The following WDPCP variants were observed in gnomAD, a reference collection of about 807,000 sequenced individuals.
WDPCP encodes WD repeat-containing and planar cell polarity effector protein fritz homolog.
A neutral mutation model predicts 93.1 loss-of-function variants in WDPCP; 71 were observed. The observed-to-expected ratio is 0.76, with a 90% CI of 0.63 to 0.93. WDPCP has a LOEUF of 0.93. WDPCP is among the 40% of genes least tolerant of loss of function. WDPCP has a pLI of 0.00. For synonymous variants in WDPCP, 315 were observed against 315.0 expected (o/e 1.00, Z 0.00); for missense variants, 844 against 887.4 (o/e 0.95, Z 0.62).
At chr2:63,196,742 A>T (rs181333826) in intron 14 of WDPCP, among the ~76,000 whole-genome samples, 21 of 152,344 alleles carry the variant, frequency 1.4e-4, no homozygotes, top group African/African-American at 4.8e-4. Flanking sequence ...AATGTAGACA[A>T]AAGTGCTTGA....
At position 63,575,463 on chromosome 2, in the gene WDPCP, A is replaced by ATACAGTG. The variant is rs1248571874; in HGVS notation, c.75+12733_75+12734insCACTGTA. On this transcript the variant is annotated intron_variant, in intron 1 of 17. Coordinates refer to ENST00000272321, the MANE Select transcript of WDPCP (RefSeq NM_015910.7). ...AGTGTATACACTGTATATACAGTAT[A>ATACAGTG]TATGCAGTATATACAGTGTATATAT... Among the ~76,000 whole-genome samples the ATACAGTG allele has an allele frequency of 2.5e-3, 72 of 29,144 alleles. 5 individuals are homozygous for ATACAGTG. The highest frequency in any genetic ancestry group is 4.0e-3 in the African/African-American group (19 of 4,770). 19.1% of individuals were successfully genotyped at this position (29,144 alleles called of 152,430 possible). A position where few individuals can be genotyped will look rare whatever the true frequency, so the allele number is the denominator to read the frequency against.
intron 2 of WDPCP, among the ~76,000 whole-genome samples, chr2:63,782,074 T>C (rs1670402790): frequency 6.6e-6 from 1 of 152,152 alleles, no homozygotes; most frequent in South Asian, 2.1e-4. Flanking sequence ...AAACTGCAGC[T>C]AAGTATCACT....
At chr2:63,747,800 A>C (rs1174507851) in intron 2 of WDPCP, among the ~76,000 whole-genome samples, 1 of 152,008 alleles carries the variant, frequency 6.6e-6, no homozygotes, top group Admixed American at 6.6e-5. Context: ...GTCATGTTTG[A>C]CTTTTTAAAC....
intron 9 of WDPCP, among the ~76,000 whole-genome samples, chr2:63,418,665 G>A (rs937637443): frequency 7.9e-5 from 12 of 152,074 alleles, no homozygotes; most frequent in East Asian, 1.9e-4. Context: ...CTGTGATAAC[G>A]AACAGGGTAA....
At chr2:63,220,457 T>C (rs895871708) in intron 14 of WDPCP, among the ~76,000 whole-genome samples, 7 of 152,310 alleles carry the variant, frequency 4.6e-5, no homozygotes, top group African/African-American at 1.7e-4. Flanking sequence ...GGATATGTTT[T>C]GGAGGAAAAT....
At chr2:63,322,948 A>G (rs1476029077) in intron 12 of WDPCP, among the ~76,000 whole-genome samples, 1 of 152,232 alleles carries the variant, frequency 6.6e-6, no homozygotes, top group African/African-American at 2.4e-5. Flanking sequence ...CAGACTAAAG[A>G]CACAGGTGTC....
At chr2:63,523,885 T>G (rs1470358647) in intron 1 of WDPCP, among the ~76,000 whole-genome samples, 1 of 152,124 alleles carries the variant, frequency 6.6e-6, no homozygotes, top group Non-Finnish European at 1.5e-5. Flanking sequence ...CACTCCAGTC[T>G]GGGCAACAAG....
At chr2:63,282,395 C>T (rs980660297) in intron 13 of WDPCP, among the ~76,000 whole-genome samples, 3 of 152,184 alleles carry the variant, frequency 2.0e-5, no homozygotes, top group African/African-American at 7.2e-5. Context: ...GTCCCAGCTA[C>T]TCAGGAGGCT....
At chr2:63,836,160 T>A in the WDPCP span, among the ~76,000 whole-genome samples, 1 of 152,360 alleles carries the variant, frequency 6.6e-6, no homozygotes, top group Admixed American at 6.5e-5. Context: ...CAGCTGAGAA[T>A]CTTCTCTTTA....
intron 12 of WDPCP, among the ~76,000 whole-genome samples, chr2:63,327,563 A>G (rs1687651987): frequency 6.6e-6 from 1 of 152,188 alleles, no homozygotes; most frequent in East Asian, 1.9e-4. Flanking sequence ...CTGCTGAGAA[A>G]GGAGGACTTT....
At chr2:63,759,473 A>T (rs1218807161) in intron 2 of WDPCP, among the ~76,000 whole-genome samples, 1 of 152,222 alleles carries the variant, frequency 6.6e-6, no homozygotes, top group Non-Finnish European at 1.5e-5. Flanking sequence ...GTACAAAACA[A>T]AAATGTGAGG....
intron 3 of WDPCP, chr2:63,604,924 A>G (rs527927883): frequency 1.6e-5 from 25 of 1,582,716 alleles, no homozygotes; most frequent in Middle Eastern, 3.4e-4. Flanking sequence ...AACTCTTGAG[A>G]GACTCTTAGG....
chr2:63,315,376 G>C (rs139462276), intron 12 of WDPCP, among the ~76,000 whole-genome samples: 2 of 152,120 alleles, frequency 1.3e-5, no homozygotes, highest in South Asian at 4.2e-4. Context: ...ACCCAGGTTA[G>C]TAGTGCCCCT....
rs149034342 is a variant in WDPCP, at chr2:63,489,959, T to C, written c.161-2465A>G. On this transcript the variant is annotated intron_variant, in intron 2 of 17. Transcript: ENST00000272321. ...TGAATATCATCAGGAAAGGGACAAA[T>C]TGAAATTATGCACCACCTGATAGGA... is the stretch of plus-strand genomic sequence containing the variant. Among the ~76,000 whole-genome samples the C allele has an allele frequency of 1.9e-3, 292 of 152,022 alleles. 2 individuals carry two copies. The highest frequency in any genetic ancestry group is 6.4e-3 in the African/African-American group (267 of 41,482).
chr2:63,830,462 G>A (rs1254122171), upstream of WDPCP, among the ~76,000 whole-genome samples: 5 of 152,114 alleles, frequency 3.3e-5, no homozygotes, highest in Admixed American at 3.3e-4. Context: ...TTGTTTGTCT[G>A]TAGAATTCTA....
At chr2:63,830,508 T>C (rs887264278), upstream of WDPCP, among the ~76,000 whole-genome samples, 4 of 152,158 alleles carry the variant, frequency 2.6e-5, no homozygotes, top group African/African-American at 9.6e-5. Flanking sequence ...TATAAAGATA[T>C]TGCTGTTTGA....
In WDPCP at chr2:63,432,075, A is replaced by T. The variant is rs367640159; in HGVS notation, c.825+1670T>A. On this transcript the variant is annotated intron_variant, in intron 9 of 17. Coordinates refer to ENST00000272321, the MANE Select transcript of WDPCP (RefSeq NM_015910.7). ...TCCTTAAAAGACGTCACACCCAGGA[A>T]GTTTTACAGGTAAGTTTTATCAAAC... Among the ~76,000 whole-genome samples the T allele has an allele frequency of 7.9e-4, 121 of 152,308 alleles. 4 individuals are homozygous for T. The East Asian group carries it at 0.015, about 18-fold the overall frequency.
intron 2 of WDPCP, chr2:63,684,673 G>C (rs2103645765): frequency 1.5e-6 from 1 of 683,060 alleles, no homozygotes; most frequent in Non-Finnish European, 2.8e-6. Context: ...AGAGATACAA[G>C]ATAGGCAAGA....
chr2:63,546,332 A>C (rs1329992863), intron 1 of WDPCP, among the ~76,000 whole-genome samples: 2 of 152,230 alleles, frequency 1.3e-5, no homozygotes, highest in African/African-American at 4.8e-5. Context: ...TTTTAAATTC[A>C]AGAGGAAAGA....
Sources: allele counts gnomAD v4.1 joint callset (sites outside exome capture counted in the v4.1 genomes callset), GRCh38; gene constraint gnomAD v4.1.1; transcripts MANE v1.5; gene names NCBI Gene and HGNC (gene_info 2026-07-23, HGNC 2026-07-21).